IL2RB: variants seen among roughly 807,000 people sequenced by gnomAD.
The protein encoded by IL2RB is interleukin-2 receptor subunit beta.
Under a neutral mutation model 44.2 loss-of-function variants are expected in IL2RB, and 17 were observed. The ratio of observed to expected loss-of-function variants is 0.38; its 90% CI spans 0.26 to 0.58. The LOEUF (loss-of-function observed/expected upper bound fraction) is 0.58. Among genes scored for constraint, IL2RB ranks in the 20% least tolerant of loss-of-function variants. IL2RB has a pLI of 0.63. For missense variants in IL2RB, 624 were observed against 685.5 expected (o/e 0.91, Z 1.00); for synonymous variants, 286 against 297.9 (o/e 0.96, Z 0.41).
intron 1 of IL2RB, among the ~76,000 whole-genome samples, chr22:37,159,134 T>C (rs1922774021): frequency 6.6e-6 from 1 of 152,216 alleles, no homozygotes; most frequent in Non-Finnish European, 1.5e-5. Context: ...GCGATCTTTC[T>C]CAGAAGACAA....
chr22:37,155,600 G>C (rs1922652464), intron 1 of IL2RB, among the ~76,000 whole-genome samples: 1 of 152,190 alleles, frequency 6.6e-6, no homozygotes, highest in South Asian at 2.1e-4. Flanking sequence ...GAATGTGGCA[G>C]AGCCAGGATT....
rs3218320 is a variant in IL2RB, at chr22:37,132,508, G to T, written c.819-40C>A. 9,376 of 1,514,002 alleles carry T rather than the reference G, an allele frequency of 6.2e-3. 480 individuals carry two copies. In the African/African-American group the frequency reaches 0.12, roughly 19 times the overall value. 93.8% of individuals were successfully genotyped at this position (1,514,002 alleles called of 1,614,324 possible). ...GGAGGGAAGGAGGAGGGTGAGAAAGGGAAGGACCGCGGTGTTATGCCATCG... is the reference window on the plus strand; with the variant it reads ...GGAGGGAAGGAGGAGGGTGAGAAAGTGAAGGACCGCGGTGTTATGCCATCG... On this transcript the variant is annotated intron_variant, in intron 8 of 9. Transcript: ENST00000216223.
At position 37,137,684 on chromosome 22, in the gene IL2RB, C is replaced by T; in HGVS notation, c.440G>A (p.Arg147Lys). Residue 147 changes from arginine to lysine, a missense_variant, in exon 6 of 10, where the codon AGA (arginine) becomes AAA (lysine). Physicochemically the swap from Arg to Lys is conservative, Grantham distance 26. Around this residue, in one of 3 missense-constraint regions of IL2RB, gnomAD observed 255 missense variants for 339.9 expected, o/e 0.75. Transcript: ENST00000216223. Reference sequence around the variant, plus strand: ...GGAGATTTCCCAGCTTATGTTGCATCTGTGGGTCTCCACGTGGACAACTTG... The same window carrying T: ...GGAGATTTCCCAGCTTATGTTGCATTTGTGGGTCTCCACGTGGACAACTTG... The part of the protein sequence containing the change: ...SLQVVHVETH[R>K]CNISWEISQA... 6.2e-7 allele frequency: 1 copy of T among 1,614,148 alleles called. No individual in the cohort carries two copies. The highest frequency in any genetic ancestry group is 8.5e-7 in the Non-Finnish European group (1 of 1,179,986).
At chr22:37,153,470 G>A (rs1442822785), upstream of IL2RB, among the ~76,000 whole-genome samples, 2 of 152,192 alleles carry the variant, frequency 1.3e-5, no homozygotes, top group Non-Finnish European at 2.9e-5. Context: ...AATGAAGGGA[G>A]AACTGGACAA....
At chr22:37,154,074 C>T (rs1445289841), upstream of IL2RB, among the ~76,000 whole-genome samples, 4 of 152,196 alleles carry the variant, frequency 2.6e-5, no homozygotes, top group Non-Finnish European at 4.4e-5. Context: ...GCAGCCCAGG[C>T]CAGCGGGGTA....
At chr22:37,136,715 G>T (rs1214912468) in intron 6 of IL2RB, among the ~76,000 whole-genome samples, 1 of 151,984 alleles carries the variant, frequency 6.6e-6, no homozygotes, top group Non-Finnish European at 1.5e-5. Flanking sequence ...CTGGTCTCTG[G>T]TTCCCACCCG....
At position 37,145,740 on chromosome 22, in the gene IL2RB, G is replaced by A. The variant is rs74780535; in HGVS notation, c.-33-1535C>T. On this transcript the variant is annotated intron_variant, in intron 1 of 9. Transcript: ENST00000216223. Reference sequence around the variant, plus strand: ...AGGGGCAGGGGGAGAGGGGAGAGGAGCAGGTGAGTCAAGAGATGTGGAGGA... The same window carrying A: ...AGGGGCAGGGGGAGAGGGGAGAGGAACAGGTGAGTCAAGAGATGTGGAGGA... Among the ~76,000 whole-genome samples the A allele has an allele frequency of 3.2e-3, 491 of 152,122 alleles. 1 individual carries two copies. Among genetic ancestry groups the A allele is most frequent in the African/African-American group, 0.011 (461 of 41,484 alleles).
chr22:37,131,561 C>T (rs1321170888), intron 9 of IL2RB, among the ~76,000 whole-genome samples: 1 of 152,174 alleles, frequency 6.6e-6, no homozygotes, highest in East Asian at 1.9e-4. Context: ...TGTTTTGTGA[C>T]TCAAAGTGAC....
At chr22:37,174,513 TCCTATGAAATGC>T (rs1274877007) in intron 1 of IL2RB, among the ~76,000 whole-genome samples, 2 of 152,122 alleles carry the variant, frequency 1.3e-5, no homozygotes, top group East Asian at 3.9e-4. Flanking sequence ...TCTGTATGTG[TCCTATGAAATGC>T]CATGAACCCC....
At chr22:37,159,553 CT>C (rs1405569483) in intron 1 of IL2RB, among the ~76,000 whole-genome samples, 1 of 152,180 alleles carries the variant, frequency 6.6e-6, no homozygotes, top group Non-Finnish European at 1.5e-5. Flanking sequence ...TAGAGAGAAA[CT>C]GTAAAACCTC....
At chr22:37,158,866 G>A (rs972509180) in intron 1 of IL2RB, among the ~76,000 whole-genome samples, 23 of 152,190 alleles carry the variant, frequency 1.5e-4, no homozygotes, top group African/African-American at 5.5e-4. Flanking sequence ...CCAGGCCCGT[G>A]GAACCACCCA....
chr22:37,131,859 C>A (rs1382413320), intron 9 of IL2RB, among the ~76,000 whole-genome samples: 1 of 152,116 alleles, frequency 6.6e-6, no homozygotes, highest in Non-Finnish European at 1.5e-5. Flanking sequence ...GTCTCAGCCT[C>A]CTGAGTAGCT....
intron 1 of IL2RB, among the ~76,000 whole-genome samples, chr22:37,170,232 A>G (rs1923234263): frequency 6.6e-6 from 1 of 152,214 alleles, no homozygotes; most frequent in South Asian, 2.1e-4. Flanking sequence ...AAGGCCCTGA[A>G]GAAAACCAAA....
intron 5 of IL2RB, 104 bp downstream of exon 5, chr22:37,139,013 G>A (rs1921834299): frequency 1.3e-6 from 1 of 742,936 alleles, no homozygotes; most frequent in African/African-American, 1.7e-5. Context: ...ATGTGGGTGT[G>A]GAAGCTGCCG....
chr22:37,140,244 T>C (rs572712009), intron 4 of IL2RB, among the ~76,000 whole-genome samples: 1 of 151,876 alleles, frequency 6.6e-6, no homozygotes, highest in Non-Finnish European at 1.5e-5. Flanking sequence ...AGCCTTCTTA[T>C]AGCTGCTATG....
At chr22:37,158,732 G>C (rs752508135) in intron 1 of IL2RB, among the ~76,000 whole-genome samples, 1 of 152,214 alleles carries the variant, frequency 6.6e-6, no homozygotes, top group African/African-American at 2.4e-5. Flanking sequence ...GTCTGTGAAG[G>C]TGCGTGGGAG....
upstream of IL2RB, among the ~76,000 whole-genome samples, chr22:37,154,286 G>A (rs935596238): frequency 3.9e-5 from 6 of 152,196 alleles, no homozygotes; most frequent in African/African-American, 1.4e-4. Context: ...CAGGGAGGGG[G>A]CTACGCAGAG....
upstream of IL2RB, among the ~76,000 whole-genome samples, chr22:37,154,588 T>TC (rs1922612382): frequency 6.6e-6 from 1 of 151,626 alleles, no homozygotes; most frequent in Non-Finnish European, 1.5e-5. Context: ...TTTTTTTTTT[T>TC]GTTTTTTAGA....
At chr22:37,156,277 G>A (rs111826193) in intron 1 of IL2RB, among the ~76,000 whole-genome samples, 15 of 152,294 alleles carry the variant, frequency 9.8e-5, no homozygotes, top group African/African-American at 2.9e-4. Flanking sequence ...CAGCTCACCC[G>A]CGTGCTGCCA....
Sources: allele counts gnomAD v4.1 joint callset (sites outside exome capture counted in the v4.1 genomes callset), GRCh38; gene constraint gnomAD v4.1.1; regional missense constraint gnomAD v4.1.1; transcripts MANE v1.5; gene names NCBI Gene and HGNC (gene_info 2026-07-23, HGNC 2026-07-21).